CACNA1C: variants seen among roughly 807,000 people sequenced by gnomAD.
The protein encoded by CACNA1C is voltage-dependent L-type calcium channel subunit alpha-1C.
Under a neutral mutation model 229.0 loss-of-function variants are expected in CACNA1C, and 30 were observed. The observed-to-expected ratio is 0.13, with a 90% confidence interval of 0.10 to 0.18. The LOEUF is 0.18. Among genes scored for constraint, CACNA1C ranks in the 10% least tolerant of loss-of-function variants. The pLI is 1.00. For synonymous variants in CACNA1C, 1,114 were observed against 1,132.5 expected (o/e 0.98, Z 0.33); for missense variants, 1,658 against 2,845.0 (o/e 0.58, Z 9.49).
intron 1 of CACNA1C, among the ~76,000 whole-genome samples, chr12:1,993,574 A>G (rs1244528206): frequency 6.6e-6 from 1 of 151,952 alleles, no homozygotes; most frequent in African/African-American, 2.4e-5. Context: ...CATGTAATGC[A>G]GCAGCACTGG....
chr12:2,256,698 C>G (rs745827330), intron 3 of CACNA1C, among the ~76,000 whole-genome samples: 9 of 151,972 alleles, frequency 5.9e-5, no homozygotes, highest in Admixed American at 2.0e-4. Context: ...GCAGCCACAT[C>G]CTTTCTAGCC....
intron 3 of CACNA1C, among the ~76,000 whole-genome samples, chr12:2,191,513 TAC>T (rs1279721771): frequency 6.6e-6 from 1 of 152,096 alleles, no homozygotes; most frequent in Admixed American, 6.5e-5. Context: ...CTTTAATGTA[TAC>T]ACACACATAC....
intron 9 of CACNA1C, among the ~76,000 whole-genome samples, chr12:2,538,338 G>A (rs556716493): frequency 1.3e-5 from 2 of 152,284 alleles, no homozygotes; most frequent in East Asian, 3.9e-4. Context: ...GCCAAGCTGG[G>A]CCTGGGCTGG....
chr12:2,245,748 G>C (rs1350875226), intron 3 of CACNA1C, among the ~76,000 whole-genome samples: 4 of 152,174 alleles, frequency 2.6e-5, no homozygotes, highest in Non-Finnish European at 5.9e-5. Context: ...GTCCTAAACT[G>C]ACACAAGGGT....
At chr12:2,314,415 G>T (rs1372279601) in intron 3 of CACNA1C, among the ~76,000 whole-genome samples, 1 of 152,196 alleles carries the variant, frequency 6.6e-6, no homozygotes, top group Non-Finnish European at 1.5e-5. Flanking sequence ...TGCACAGCAT[G>T]AATTCTCACC....
intron 3 of CACNA1C, among the ~76,000 whole-genome samples, chr12:2,397,475 C>T (rs1399615103): frequency 6.6e-6 from 1 of 152,232 alleles, no homozygotes; most frequent in Non-Finnish European, 1.5e-5. Flanking sequence ...AGGTAAGCAG[C>T]AGCAACACAC....
intron 7 of CACNA1C, among the ~76,000 whole-genome samples, chr12:2,499,160 C>A (rs149241812): frequency 1.3e-5 from 2 of 152,090 alleles, no homozygotes; most frequent in African/African-American, 4.8e-5. Context: ...GGTAGCTGCC[C>A]GTGTCCCAGC....
intron 1 of CACNA1C, among the ~76,000 whole-genome samples, chr12:2,069,608 C>T (rs2060496726): frequency 6.6e-6 from 1 of 152,134 alleles, no homozygotes; most frequent in South Asian, 2.1e-4. Flanking sequence ...TTTGTTCGAA[C>T]CATTTAATTT....
chr12:2,593,370 G>A, intron 19 of CACNA1C, 25 bp downstream of exon 19: 1 of 1,612,594 alleles, frequency 6.2e-7, no homozygotes, highest in South Asian at 1.1e-5. Context: ...TGGGGAAGGT[G>A]GGGTCCTGCT....
At chr12:2,243,958 A>C (rs572670245) in intron 3 of CACNA1C, among the ~76,000 whole-genome samples, 58 of 152,370 alleles carry the variant, frequency 3.8e-4, no homozygotes, top group African/African-American at 1.4e-3. Flanking sequence ...TGCTGTTTTC[A>C]ATTAAACTTC....
intron 3 of CACNA1C, among the ~76,000 whole-genome samples, chr12:2,380,026 G>A (rs2098192910): frequency 8.4e-5 from 5 of 59,574 alleles, no homozygotes; most frequent in East Asian, 4.0e-4. Flanking sequence ...GCGAGACTCC[G>A]TCTCAAAAAA....
rs1602875453 is a variant in CACNA1C at position 2,632,119 on chromosome 12, A to G, written c.3829-2178A>G. 6.6e-6 allele frequency among the ~76,000 whole-genome samples: 1 copy of G among 152,160 alleles called. No homozygotes were observed. The highest frequency in any genetic ancestry group is 2.4e-5 in the African/African-American group (1 of 41,424). ...AGAATTCCACCTCCTGGAAGCCCAG[A>G]GGGCAGGCAAATACTGGTCCCACTG... is the stretch of plus-strand genomic sequence containing the variant. On this transcript the variant is annotated intron_variant, in intron 29 of 46. Coordinates refer to ENST00000399655, the MANE Select transcript of CACNA1C (RefSeq NM_000719.7). This position sits in a 1 kb window ranked among gnomAD's most constrained non-coding sequence, Gnocchi z 4.1.
Position 2,695,723 on chromosome 12 carries a change from G to A in CACNA1C, c.*4524G>A, listed in dbSNP as rs1349556080. On this transcript the variant is annotated 3_prime_UTR_variant, in exon 47 of 47. Coordinates refer to ENST00000399655, the MANE Select transcript of CACNA1C (RefSeq NM_000719.7). ...GACGGTGCGTGGAAGGGAGTCCCAT[G>A]GGCAGATGCTTACACGACCTCTTTG... is the stretch of plus-strand genomic sequence containing the variant. 1.3e-5 allele frequency: 2 copies of A among 152,240 alleles called. No homozygotes were observed. The highest frequency in any genetic ancestry group is 2.9e-5 in the Non-Finnish European group (2 of 68,048). 9.4% of individuals were successfully genotyped at this position (152,240 alleles called of 1,614,324 possible).
At chr12:2,450,332 A>G (rs1023364630) in intron 4 of CACNA1C, among the ~76,000 whole-genome samples, 2 of 152,148 alleles carry the variant, frequency 1.3e-5, no homozygotes, top group Middle Eastern at 3.4e-3. Context: ...AGGCGGGCGG[A>G]TCACGAGGTC....
chr12:2,278,122 T>C (rs889820803), intron 3 of CACNA1C, among the ~76,000 whole-genome samples: 1 of 152,130 alleles, frequency 6.6e-6, no homozygotes, highest in African/African-American at 2.4e-5. Context: ...ATGGGTGGAG[T>C]CACCAAATAT....
Position 2,529,402 on chromosome 12 carries a change from G to A in CACNA1C, c.1390+16418G>A, listed in dbSNP as rs377071128. On this transcript the variant is annotated intron_variant, in intron 9 of 46. Coordinates refer to ENST00000399655, the MANE Select transcript of CACNA1C (RefSeq NM_000719.7). ...CTGTGGCATTCATCTATCTGATACC[G>A]TCTGCTGGGTAGTACATCTTGAATG... Among the ~76,000 whole-genome samples the A allele has an allele frequency of 2.6e-5, 4 of 152,272 alleles. 1 individual carries two copies. The highest frequency in any genetic ancestry group is 1.9e-4 in the East Asian group (1 of 5,184).
At chr12:2,650,722 C>G (rs533122123) in intron 31 of CACNA1C, among the ~76,000 whole-genome samples, 1 of 152,300 alleles carries the variant, frequency 6.6e-6, no homozygotes, top group South Asian at 2.1e-4. Context: ...TCCCCCAGGT[C>G]CAACAGCAGC....
At chr12:2,521,663 T>C (rs760852050) in intron 9 of CACNA1C, among the ~76,000 whole-genome samples, 3 of 152,218 alleles carry the variant, frequency 2.0e-5, no homozygotes, top group Non-Finnish European at 4.4e-5. Flanking sequence ...TCCACAGTTA[T>C]CAGTGCCTGC....
intron 3 of CACNA1C, among the ~76,000 whole-genome samples, chr12:2,216,121 A>G (rs945580477): frequency 8.5e-5 from 13 of 152,200 alleles, no homozygotes; most frequent in African/African-American, 2.2e-4. Flanking sequence ...GGGCACGCCA[A>G]TTAACTAGCT....
Sources: allele counts gnomAD v4.1 joint callset (sites outside exome capture counted in the v4.1 genomes callset), GRCh38; gene constraint gnomAD v4.1.1; non-coding constraint Gnocchi (gnomAD v3.1); transcripts MANE v1.5; gene names NCBI Gene and HGNC (gene_info 2026-07-23, HGNC 2026-07-21).